The following SCD5 variants were observed in gnomAD, a reference collection of about 807,000 sequenced individuals.
SCD5 encodes acyl-CoA-desaturase 4.
A neutral mutation model predicts 30.4 loss-of-function variants in SCD5; 20 were observed. The observed-to-expected ratio is 0.66, with a 90% CI of 0.46 to 0.96. SCD5 has a LOEUF of 0.96. SCD5 is among the 40% of genes least tolerant of loss of function. SCD5 has a pLI of 0.00. For synonymous variants in SCD5, 173 were observed against 176.4 expected, an observed-to-expected ratio of 0.98 and a Z score of 0.16; for missense variants, 381 against 443.3, an observed-to-expected ratio of 0.86 and a Z score of 1.26.
chr4:82,796,008 C>A (rs1722207034), intron 1 of SCD5, among the ~76,000 whole-genome samples: 2 of 151,522 alleles, frequency 1.3e-5, no homozygotes, highest in African/African-American at 2.4e-5. Flanking sequence ...CAGTGGCTCA[C>A]GCCTGTAATT....
intron 2 of SCD5, among the ~76,000 whole-genome samples, chr4:82,691,318 G>A (rs897761122): frequency 7.9e-5 from 12 of 152,158 alleles, no homozygotes; most frequent in Admixed American, 2.0e-4. Context: ...GAGCCACTGC[G>A]CCTGGCCAGC....
chr4:82,717,394 G>C (rs6535382), intron 1 of SCD5, among the ~76,000 whole-genome samples: 90,423 of 151,482 alleles, frequency 0.6, 28,923 homozygotes, highest in African/African-American at 0.82. Context: ...CTCTCTCCAT[G>C]TTATGCAACT....
intron 1 of SCD5, chr4:82,775,381 G>A (rs1483343961): frequency 6.6e-6 from 1 of 152,352 alleles, no homozygotes; most frequent in Non-Finnish European, 1.5e-5. Flanking sequence ...CATAGGTGTA[G>A]GTGAGGTGTA....
intron 3 of SCD5, among the ~76,000 whole-genome samples, chr4:82,647,468 A>T (rs80008964): frequency 6.6e-6 from 1 of 152,238 alleles, no homozygotes; most frequent in Admixed American, 6.5e-5. Context: ...TGAATGGATT[A>T]GATGGGCTGA....
At position 82,767,558 on chromosome 4, in the gene SCD5, T is replaced by C. The variant is rs116872553; in HGVS notation, c.232+30748A>G. 2.8e-4 allele frequency among the ~76,000 whole-genome samples: 43 copies of C among 152,340 alleles called. No homozygotes were observed. In the East Asian group the frequency reaches 6.2e-3, roughly 22 times the overall value. On this transcript the variant is annotated intron_variant, in intron 1 of 4. Coordinates refer to ENST00000319540, the MANE Select transcript of SCD5 (RefSeq NM_001037582.3). ...AAACCCATCTTTCACATATTTTGTC[T>C]AGTTTTTTAGTTGTTTCAGACAGAA...
At chr4:82,683,761 C>A (rs938476178) in intron 2 of SCD5, among the ~76,000 whole-genome samples, 1 of 152,226 alleles carries the variant, frequency 6.6e-6, no homozygotes, top group East Asian at 1.9e-4. Flanking sequence ...TGAGTTCTCA[C>A]GAGATCTGAT....
chr4:82,661,019 G>A, intron 3 of SCD5: 1 of 1,614,064 alleles, frequency 6.2e-7, no homozygotes, highest in South Asian at 1.1e-5. Flanking sequence ...CATTCACGAA[G>A]CATCTCACAC....
chr4:82,748,318 C>A (rs1044605421), intron 1 of SCD5, among the ~76,000 whole-genome samples: 1 of 151,674 alleles, frequency 6.6e-6, no homozygotes, highest in African/African-American at 2.4e-5. Flanking sequence ...TGACTTTGAG[C>A]AAGCACAGGG....
At chr4:82,708,703 C>T (rs1238481933) in intron 1 of SCD5, among the ~76,000 whole-genome samples, 1 of 152,030 alleles carries the variant, frequency 6.6e-6, no homozygotes, top group Admixed American at 6.6e-5. Flanking sequence ...CTGTAGTGAC[C>T]CCCTCCTGAC....
chr4:82,698,330 A>G (rs1361915625), intron 2 of SCD5, among the ~76,000 whole-genome samples: 1 of 152,164 alleles, frequency 6.6e-6, no homozygotes, highest in Non-Finnish European at 1.5e-5. Flanking sequence ...CCGCCACTGC[A>G]TGCTGCTGCT....
intron 1 of SCD5, among the ~76,000 whole-genome samples, chr4:82,789,459 T>C (rs556660699): frequency 1.3e-5 from 2 of 152,286 alleles, no homozygotes; most frequent in East Asian, 1.9e-4. Flanking sequence ...AAAATGCAGA[T>C]AGTGATTCCG....
intron 1 of SCD5, among the ~76,000 whole-genome samples, chr4:82,789,078 C>G (rs1246992504): frequency 6.6e-6 from 1 of 152,188 alleles, no homozygotes; most frequent in Admixed American, 6.5e-5. Flanking sequence ...GGCAGCCCTC[C>G]CCTCAGGCCT....
chr4:82,795,180 C>T (rs942490711), intron 1 of SCD5, among the ~76,000 whole-genome samples: 16 of 152,242 alleles, frequency 1.1e-4, no homozygotes, highest in Non-Finnish European at 1.9e-4. Flanking sequence ...ACATCCAACA[C>T]ATCCCCTGCT....
intron 1 of SCD5, among the ~76,000 whole-genome samples, chr4:82,795,246 G>C (rs142859501): frequency 6.6e-6 from 1 of 152,302 alleles, no homozygotes; most frequent in Non-Finnish European, 1.5e-5. Flanking sequence ...GGTGTGGAGG[G>C]TGGCAAGCAA....
Position 82,715,936 on chromosome 4 carries a change from C to T in SCD5, c.233-10523G>A, listed in dbSNP as rs1039598699. 2.0e-5 allele frequency among the ~76,000 whole-genome samples: 3 copies of T among 151,760 alleles called. 1 individual carries two copies. The highest frequency in any genetic ancestry group is 7.3e-5 in the African/African-American group (3 of 41,048). ...TTGGCAACTGGTACTTGTGGCCACA[C>T]TCAAGTATAAGGAGAGCTATATTTG... On this transcript the variant is annotated intron_variant, in intron 1 of 4. Transcript: ENST00000319540.
At chr4:82,788,337 C>T (rs1722027330) in intron 1 of SCD5, among the ~76,000 whole-genome samples, 1 of 152,170 alleles carries the variant, frequency 6.6e-6, no homozygotes, top group Non-Finnish European at 1.5e-5. Flanking sequence ...TAATCCATCC[C>T]CTTCCCAATG....
chr4:82,714,665 G>A (rs1293412192), intron 1 of SCD5, among the ~76,000 whole-genome samples: 10 of 152,070 alleles, frequency 6.6e-5, no homozygotes, highest in Non-Finnish European at 1.5e-4. Context: ...ACTCATATAG[G>A]TTGAGCATCC....
chr4:82,731,857 G>C (rs556438091), intron 1 of SCD5, among the ~76,000 whole-genome samples: 3 of 152,168 alleles, frequency 2.0e-5, no homozygotes, highest in African/African-American at 7.2e-5. Flanking sequence ...AAAGTGACTG[G>C]AACTCCTACT....
intron 1 of SCD5, among the ~76,000 whole-genome samples, chr4:82,792,931 AGTTT>A (rs1282605799): frequency 1.3e-5 from 2 of 152,120 alleles, no homozygotes; most frequent in East Asian, 3.8e-4. Context: ...GACCTTGATC[AGTTT>A]GTTTGTTTTA....
Sources: gnomAD v4.1 joint callset for allele counts (sites outside exome capture counted in the v4.1 genomes callset) on GRCh38, gnomAD v4.1.1 for gene constraint, MANE v1.5 for transcripts, NCBI Gene and HGNC (gene_info 2026-07-23, HGNC 2026-07-21) for gene names.